The following CYP39A1 variants were observed in gnomAD, a reference collection of about 807,000 sequenced individuals.
The protein encoded by CYP39A1 is 24-hydroxycholesterol 7-alpha-hydroxylase.
A neutral mutation model predicts 58.1 loss-of-function variants in CYP39A1; 49 were observed. The observed-to-expected ratio is 0.84, with a 90% CI of 0.67 to 1.07. CYP39A1 has a LOEUF of 1.07. CYP39A1 is among the 50% of genes least tolerant of loss of function. The pLI is 0.00. For synonymous variants in CYP39A1, 209 were observed against 187.6 expected, an observed-to-expected ratio of 1.11 and a Z score of -0.93; for missense variants, 531 against 539.4, an observed-to-expected ratio of 0.98 and a Z score of 0.16.
intron 7 of CYP39A1, among the ~76,000 whole-genome samples, chr6:46,620,457 T>A (rs749943446): frequency 6.6e-6 from 1 of 152,166 alleles, no homozygotes; most frequent in Admixed American, 6.5e-5. Flanking sequence ...TTTGCAACTA[T>A]CTGAGTCAGT....
At chr6:46,617,211 A>G (rs1774662717) in intron 7 of CYP39A1, among the ~76,000 whole-genome samples, 1 of 152,140 alleles carries the variant, frequency 6.6e-6, no homozygotes, top group South Asian at 2.1e-4. Context: ...TATTTTTTGA[A>G]TCAAAAATGA....
chr6:46,557,837 T>C (rs1770735090), intron 10 of CYP39A1, among the ~76,000 whole-genome samples: 1 of 144,370 alleles, frequency 6.9e-6, no homozygotes, highest in Non-Finnish European at 1.5e-5. Flanking sequence ...CTGCGGAGGC[T>C]GAGGCAGAGA....
At chr6:46,581,666 G>T (rs931541196) in intron 10 of CYP39A1, among the ~76,000 whole-genome samples, 1 of 152,008 alleles carries the variant, frequency 6.6e-6, no homozygotes, top group Non-Finnish European at 1.5e-5. Flanking sequence ...GCATGGGAGG[G>T]GGGTGAGGCA....
intron 10 of CYP39A1, among the ~76,000 whole-genome samples, chr6:46,560,787 T>C (rs1770932638): frequency 1.4e-5 from 2 of 146,058 alleles, no homozygotes; most frequent in Non-Finnish European, 3.0e-5. Flanking sequence ...TTAAAAAAAA[T>C]CTACGGAAGG....
At chr6:46,638,858 A>T (rs552089854) in intron 3 of CYP39A1, among the ~76,000 whole-genome samples, 1 of 152,140 alleles carries the variant, frequency 6.6e-6, no homozygotes, top group Non-Finnish European at 1.5e-5. Context: ...CTCTTTATGC[A>T]TGTGGGAAAT....
chr6:46,645,981 C>A (rs1168014258), intron 1 of CYP39A1, among the ~76,000 whole-genome samples: 3 of 152,170 alleles, frequency 2.0e-5, no homozygotes, highest in Non-Finnish European at 2.9e-5. Context: ...CAATTGATAT[C>A]TTTATGTATA....
At chr6:46,643,764 T>C (rs951403073) in intron 1 of CYP39A1, among the ~76,000 whole-genome samples, 3 of 152,204 alleles carry the variant, frequency 2.0e-5, no homozygotes, top group Non-Finnish European at 2.9e-5. Context: ...TTAGAAATTA[T>C]GCAACAGGGT....
At chr6:46,575,681 T>C (rs1253879037) in intron 10 of CYP39A1, among the ~76,000 whole-genome samples, 1 of 152,176 alleles carries the variant, frequency 6.6e-6, no homozygotes, top group Non-Finnish European at 1.5e-5. Context: ...CAGTCAAGTG[T>C]TGTTGCCAAC....
intron 10 of CYP39A1, among the ~76,000 whole-genome samples, chr6:46,585,352 TAGATAGATAGAC>T (rs1229009800): frequency 6.6e-6 from 1 of 151,434 alleles, no homozygotes; most frequent in African/African-American, 2.4e-5. Flanking sequence ...GATAGATAGA[TAGATAGATAGAC>T]AGACAGATAG....
intron 10 of CYP39A1, among the ~76,000 whole-genome samples, chr6:46,557,213 T>C (rs1223026608): frequency 2.0e-5 from 3 of 151,960 alleles, no homozygotes; most frequent in African/African-American, 7.3e-5. Flanking sequence ...AATAACGAAG[T>C]CTAACATACA....
At chr6:46,609,929 T>C (rs1053854535) in intron 7 of CYP39A1, among the ~76,000 whole-genome samples, 1 of 152,188 alleles carries the variant, frequency 6.6e-6, no homozygotes, top group Non-Finnish European at 1.5e-5. Context: ...AGATAATAAG[T>C]CAAATTATAG....
intron 7 of CYP39A1, among the ~76,000 whole-genome samples, chr6:46,605,953 A>G (rs1210706003): frequency 1.3e-5 from 2 of 152,196 alleles, no homozygotes; most frequent in African/African-American, 2.4e-5. Flanking sequence ...GAAAAGAAGT[A>G]TCTTTCTACT....
intron 10 of CYP39A1, among the ~76,000 whole-genome samples, chr6:46,574,358 T>C (rs1007482494): frequency 5.3e-5 from 8 of 152,178 alleles, no homozygotes; most frequent in Non-Finnish European, 1.2e-4. Context: ...AGGGACATCA[T>C]GTGCTGATTG....
At chr6:46,583,410 A>G in intron 10 of CYP39A1, 16 of 985,364 alleles carry the variant, frequency 1.6e-5, no homozygotes, top group Non-Finnish European at 1.9e-5. Flanking sequence ...CAACTCTCAG[A>G]GGTGCTCACT....
In CYP39A1 at chr6:46,639,421, T is replaced by C. The variant is rs1283906080; in HGVS notation, c.488+73A>G. ...TTAATCAACCTGACAATGTTTGAAG[T>C]CCAATCTATAGGTTTCAATTTTTTT... On this transcript the variant is annotated intron_variant, in intron 3 of 11. Transcript: ENST00000275016. The C allele has an allele frequency of 4.3e-6, 6 of 1,392,690 alleles. No homozygotes were observed. The Admixed American group carries it at 1.2e-4, about 28-fold the overall frequency. The allele number at this position is 1,392,690 out of a possible 1,614,324, so 86.3% of individuals were successfully genotyped here.
chr6:46,601,583 A>G (rs2150532503), intron 7 of CYP39A1, among the ~76,000 whole-genome samples: 1 of 152,240 alleles, frequency 6.6e-6, no homozygotes, highest in Non-Finnish European at 1.5e-5. Flanking sequence ...ACGTGCCCAC[A>G]AGGTTGCTGT....
chr6:46,596,770 A>G (rs945853007), intron 7 of CYP39A1, among the ~76,000 whole-genome samples: 2 of 152,156 alleles, frequency 1.3e-5, no homozygotes, highest in African/African-American at 4.8e-5. Context: ...GGCATCAACC[A>G]TCAACCTTTG....
At chr6:46,566,236 G>A (rs1480769978) in intron 10 of CYP39A1, among the ~76,000 whole-genome samples, 1 of 152,156 alleles carries the variant, frequency 6.6e-6, no homozygotes, top group East Asian at 1.9e-4. Flanking sequence ...AATGAGCTAT[G>A]AGCTAATAGT....
chr6:46,620,956 G>A (rs1406671027), intron 7 of CYP39A1, among the ~76,000 whole-genome samples: 1 of 151,946 alleles, frequency 6.6e-6, no homozygotes, highest in East Asian at 1.9e-4. Context: ...CAAACCCTGA[G>A]GAAAGGGAAG....
Sources: allele counts gnomAD v4.1 joint callset (sites outside exome capture counted in the v4.1 genomes callset), GRCh38; gene constraint gnomAD v4.1.1; transcripts MANE v1.5; gene names NCBI Gene and HGNC (gene_info 2026-07-23, HGNC 2026-07-21).